ATP2B2: variants seen among roughly 807,000 people sequenced by gnomAD.
The protein encoded by ATP2B2 is ATPase plasma membrane Ca2+ transporting 2, also known as plasma membrane calcium-transporting ATPase 2.
Under a neutral mutation model 120.0 loss-of-function variants are expected in ATP2B2, and 15 were observed. That is an observed-to-expected ratio of 0.12 (90% CI 0.08 to 0.19). ATP2B2 has a LOEUF of 0.19. Among genes scored for constraint, ATP2B2 ranks in the 10% least tolerant of loss-of-function variants. The probability of loss-of-function intolerance (pLI) is 1.00; values close to 1 mark genes in which losing one functional copy is unlikely to be tolerated. For missense variants in ATP2B2, 1,045 were observed against 1,719.8 expected (o/e 0.61, Z 6.94); for synonymous variants, 694 against 700.3 (o/e 0.99, Z 0.14).
intron 19 of ATP2B2, among the ~76,000 whole-genome samples, chr3:10,341,314 T>C (rs2060269337): frequency 6.6e-6 from 1 of 152,106 alleles, no homozygotes; most frequent in African/African-American, 2.4e-5. Flanking sequence ...CTTTTTGTTT[T>C]GTTTTGTTTT....
At chr3:10,553,383 GATTA>G (rs2067709987) in intron 2 of ATP2B2, among the ~76,000 whole-genome samples, 1 of 152,178 alleles carries the variant, frequency 6.6e-6, no homozygotes, top group African/African-American at 2.4e-5. Flanking sequence ...AACTATTCAG[GATTA>G]ATTCAGACTG....
chr3:10,552,354 A>T (rs1436023449), intron 2 of ATP2B2, among the ~76,000 whole-genome samples: 4 of 152,254 alleles, frequency 2.6e-5, no homozygotes, highest in South Asian at 2.1e-4. Flanking sequence ...CCCTTGCTGC[A>T]ACGTGGCTGG....
intron 2 of ATP2B2, among the ~76,000 whole-genome samples, chr3:10,444,915 T>C (rs1003072056): frequency 6.6e-6 from 1 of 152,246 alleles, no homozygotes; most frequent in Non-Finnish European, 1.5e-5. Flanking sequence ...TCCGTGAATA[T>C]TTCTTGAGCT....
At chr3:10,370,858 A>T (rs771312713) in intron 12 of ATP2B2, among the ~76,000 whole-genome samples, 3 of 152,200 alleles carry the variant, frequency 2.0e-5, no homozygotes, top group Non-Finnish European at 4.4e-5. Context: ...GGACATCTGG[A>T]TGGATGAAGT....
chr3:10,551,475 T>C (rs1282932816), intron 2 of ATP2B2, among the ~76,000 whole-genome samples: 1 of 152,248 alleles, frequency 6.6e-6, no homozygotes, highest in Non-Finnish European at 1.5e-5. Flanking sequence ...ATGCAGTTCC[T>C]TCCTCTGTAA....
In ATP2B2 at chr3:10,402,468, C is replaced by A. The variant is rs1329296893; in HGVS notation, c.398-120G>T. The stretch of plus-strand genomic sequence containing the variant: ...GTGTTAAGAATCAGATGATAATTAT[C>A]CACTTACTCAGTGTGTCTGGGTACC... On this transcript the variant is annotated intron_variant, in intron 3 of 22. Transcript: ENST00000360273. The surrounding 1 kb of genome is among the most constrained non-coding windows in gnomAD (Gnocchi z 4.9). 2 of 1,447,452 alleles carry A rather than the reference C, an allele frequency of 1.4e-6. No homozygotes were observed. Among genetic ancestry groups the A allele is most frequent in the African/African-American group, 2.8e-5 (2 of 71,758 alleles). The allele number at this position is 1,447,452 out of a possible 1,614,324, so 89.7% of individuals were successfully genotyped here. A position where few individuals can be genotyped will look rare whatever the true frequency, so the allele number is the denominator to read the frequency against.
intron 2 of ATP2B2, among the ~76,000 whole-genome samples, chr3:10,567,478 CCAGCCTGGCTGTGCAATCTGA>C (rs2068034445): frequency 6.6e-6 from 1 of 152,180 alleles, no homozygotes; most frequent in South Asian, 2.1e-4. Context: ...CAGGAGCCTG[CCAGCCTGGCTGTGCAATCTGA>C]CAGCCTCCCT....
intron 1 of ATP2B2, among the ~76,000 whole-genome samples, chr3:10,486,623 C>A (rs2065684510): frequency 6.6e-6 from 1 of 152,100 alleles, no homozygotes; most frequent in African/African-American, 2.4e-5. Flanking sequence ...CACCTACTAG[C>A]AAGGTCCTCC....
At chr3:10,669,041 C>T (rs933959438) in intron 1 of ATP2B2, among the ~76,000 whole-genome samples, 3 of 152,192 alleles carry the variant, frequency 2.0e-5, no homozygotes, top group African/African-American at 7.2e-5. Flanking sequence ...CCTCAGGAAG[C>T]AAACATCCAA....
At chr3:10,441,380 C>T (rs1398416329) in intron 2 of ATP2B2, among the ~76,000 whole-genome samples, 2 of 152,218 alleles carry the variant, frequency 1.3e-5, no homozygotes, top group Non-Finnish European at 2.9e-5. Context: ...GCTGGGATTA[C>T]AGGCGTGCGC....
chr3:10,566,677 A>G (rs2068016526), intron 2 of ATP2B2, among the ~76,000 whole-genome samples: 1 of 152,244 alleles, frequency 6.6e-6, no homozygotes, highest in African/African-American at 2.4e-5. Context: ...AAATACATTC[A>G]TAGATATACA....
intron 1 of ATP2B2, among the ~76,000 whole-genome samples, chr3:10,639,186 G>A (rs188754158): frequency 6.6e-5 from 10 of 152,176 alleles, no homozygotes; most frequent in South Asian, 2.1e-4. Context: ...TTCTGCTCTC[G>A]GAAAGACACT....
intron 3 of ATP2B2, among the ~76,000 whole-genome samples, chr3:10,407,042 C>T (rs2062437197): frequency 6.6e-6 from 1 of 152,200 alleles, no homozygotes; most frequent in African/African-American, 2.4e-5. Flanking sequence ...TGGAAGGAGT[C>T]CAGTTGCGGG....
At chr3:10,405,722 T>C (rs2124992265) in intron 3 of ATP2B2, among the ~76,000 whole-genome samples, 1 of 152,292 alleles carries the variant, frequency 6.6e-6, no homozygotes, top group East Asian at 1.9e-4. Flanking sequence ...GGAATCCGCT[T>C]GGCCTCTTCG....
At chr3:10,671,873 A>C (rs1203165690) in intron 1 of ATP2B2, among the ~76,000 whole-genome samples, 1 of 152,242 alleles carries the variant, frequency 6.6e-6, no homozygotes, top group African/African-American at 2.4e-5. Context: ...ACCCCGTAGG[A>C]AAGCACATCT....
intron 1 of ATP2B2, among the ~76,000 whole-genome samples, chr3:10,640,608 A>C (rs1668293700): frequency 6.6e-6 from 1 of 152,128 alleles, no homozygotes. Context: ...AGTTACTTTT[A>C]CTGGGATTCC....
At chr3:10,625,820 T>G (rs1331514647) in intron 1 of ATP2B2, among the ~76,000 whole-genome samples, 1 of 152,210 alleles carries the variant, frequency 6.6e-6, no homozygotes, top group Non-Finnish European at 1.5e-5. Context: ...GCGTATTGTA[T>G]GTTTAACACC....
In ATP2B2 at chr3:10,349,861, A is replaced by T. The variant is rs2060528128; in HGVS notation, c.2404+251T>A. 1.3e-5 allele frequency among the ~76,000 whole-genome samples: 2 copies of T among 152,174 alleles called. 1 individual carries two copies. The highest frequency in any genetic ancestry group is 2.9e-5 in the Non-Finnish European group (2 of 68,034). On this transcript the variant is annotated intron_variant, in intron 16 of 22. Transcript: ENST00000360273. ...CGCTGAGCCAGGAGTTTGGGACCCC[A>T]CACAGGCCCAGGTCCATTGCTTCCT... is the stretch of plus-strand genomic sequence containing the variant.
At chr3:10,690,494 C>T (rs2071638392) in intron 1 of ATP2B2, among the ~76,000 whole-genome samples, 1 of 151,626 alleles carries the variant, frequency 6.6e-6, no homozygotes, top group Admixed American at 6.6e-5. Flanking sequence ...CTCCTTCACC[C>T]CTTAACAAAA....
Sources: gnomAD v4.1 joint callset for allele counts (sites outside exome capture counted in the v4.1 genomes callset) on GRCh38, gnomAD v4.1.1 for gene constraint, Gnocchi (gnomAD v3.1) non-coding constraint, MANE v1.5 for transcripts, NCBI Gene and HGNC (gene_info 2026-07-23, HGNC 2026-07-21) for gene names.